The following PCDHGB5 variants were observed in gnomAD, a reference collection of about 807,000 sequenced individuals.
PCDHGB5 encodes protocadherin gamma-B5.
Under a neutral mutation model 62.9 loss-of-function variants are expected in PCDHGB5, and 48 were observed. That is an observed-to-expected ratio of 0.76 (90% CI 0.61 to 0.97). The LOEUF (loss-of-function observed/expected upper bound fraction) is 0.97. Among genes scored for constraint, PCDHGB5 ranks in the 50% least tolerant of loss-of-function variants. PCDHGB5 has a pLI of 0.00. For missense variants in PCDHGB5, 1,118 were observed against 1,198.6 expected (o/e 0.93, Z 0.99); for synonymous variants, 474 against 511.2 (o/e 0.93, Z 0.98).
At chr5:141,409,908 C>T (rs1255447661) in intron 1 of PCDHGB5, 1 of 1,613,204 alleles carries the variant, frequency 6.2e-7, no homozygotes, top group Non-Finnish European at 8.5e-7. Context: ...GCTCTGGGTC[C>T]TGACGGCTCC....
intron 1 of PCDHGB5, chr5:141,409,291 A>G: frequency 6.2e-7 from 1 of 1,614,000 alleles, no homozygotes; most frequent in Non-Finnish European, 8.5e-7. Context: ...CACCTCCAGG[A>G]ATGGTTGTTG....
intron 1 of PCDHGB5, among the ~76,000 whole-genome samples, chr5:141,406,857 A>T (rs1377435171): frequency 2.0e-5 from 3 of 152,244 alleles, no homozygotes; most frequent in Admixed American, 2.0e-4. Flanking sequence ...TTAAGAAAAT[A>T]TTCTCAGGAA....
intron 1 of PCDHGB5, chr5:141,421,588 G>A: frequency 1.2e-6 from 2 of 1,613,910 alleles, no homozygotes; most frequent in Non-Finnish European, 8.5e-7. Context: ...TTACGGAGTG[G>A]AGGTGGAAAT....
chr5:141,447,775 AT>A (rs1463090729), intron 1 of PCDHGB5, among the ~76,000 whole-genome samples: 2 of 152,212 alleles, frequency 1.3e-5, no homozygotes, highest in Non-Finnish European at 2.9e-5. Flanking sequence ...TTATACTTTA[AT>A]TGAAAATAAA....
At chr5:141,450,134 G>A (rs1267554616) in intron 1 of PCDHGB5, among the ~76,000 whole-genome samples, 1 of 151,424 alleles carries the variant, frequency 6.6e-6, no homozygotes, top group East Asian at 2.0e-4. Context: ...AGCCTCCTGA[G>A]TAGCTGGGAC....
chr5:141,405,858 T>C (rs2094727577), intron 1 of PCDHGB5, among the ~76,000 whole-genome samples: 1 of 152,200 alleles, frequency 6.6e-6, no homozygotes, highest in Non-Finnish European at 1.5e-5. Flanking sequence ...GTGTTTCTCA[T>C]CACTTTTCAC....
chr5:141,479,562 T>G (rs1176956064), intron 1 of PCDHGB5: 2 of 152,218 alleles, frequency 1.3e-5, no homozygotes, highest in Non-Finnish European at 2.9e-5. Flanking sequence ...TATCCAGTAG[T>G]GGGATGACAT....
chr5:141,490,990 C>A lies in PCDHGB5; in HGVS notation c.2398-3817C>A, dbSNP rs1230384508. On this transcript the variant is annotated intron_variant, in intron 1 of 3. Transcript: ENST00000617380. The surrounding 1 kb of genome is among the most constrained non-coding windows in gnomAD (Gnocchi z 5.4). ...CCCCCAGCGTCTCCCTCGCTCTGCTCCTCCTGGCTCCTTGGTCACCAAGGT... is the reference window on the plus strand; with the variant it reads ...CCCCCAGCGTCTCCCTCGCTCTGCTACTCCTGGCTCCTTGGTCACCAAGGT... The A allele has an allele frequency of 6.2e-7, 1 of 1,614,102 alleles. No homozygotes were observed. The highest frequency in any genetic ancestry group is 8.5e-7 in the Non-Finnish European group (1 of 1,180,022).
chr5:141,436,406 G>T (rs1403133377), intron 1 of PCDHGB5, among the ~76,000 whole-genome samples: 3 of 152,308 alleles, frequency 2.0e-5, no homozygotes, highest in East Asian at 3.9e-4. Context: ...GTTGTTGAAT[G>T]AATGGATAAA....
At chr5:141,497,541 T>C (rs1157403777) in intron 2 of PCDHGB5, among the ~76,000 whole-genome samples, 9 of 89,564 alleles carry the variant, frequency 1.0e-4, no homozygotes, top group Non-Finnish European at 2.1e-4. Context: ...GCAACAAACC[T>C]TTTTTTTTTT....
At chr5:141,402,202 A>G (rs1223519214) in intron 1 of PCDHGB5, among the ~76,000 whole-genome samples, 1 of 152,138 alleles carries the variant, frequency 6.6e-6, no homozygotes. Flanking sequence ...CTTTTATAAT[A>G]CAAAAATTTA....
chr5:141,421,353 G>T, intron 1 of PCDHGB5: 1 of 1,613,998 alleles, frequency 6.2e-7, no homozygotes, highest in Non-Finnish European at 8.5e-7. Context: ...AGACCGAAAA[G>T]GGCTCCTTCG....
chr5:141,489,397 G>T lies in PCDHGB5; in HGVS notation c.2398-5410G>T. ...GGTGGGGAATGTTGCTCAGGATCTG[G>T]GCTTAAAGATGACAGATCTGTTGAG... On this transcript the variant is annotated intron_variant, in intron 1 of 3. Coordinates refer to ENST00000617380, the MANE Select transcript of PCDHGB5 (RefSeq NM_018925.3). The surrounding 1 kb of genome is among the most constrained non-coding windows in gnomAD (Gnocchi z 4.5). 2 of 1,614,176 alleles carry T rather than the reference G, an allele frequency of 1.2e-6. No individual in the cohort carries two copies. Among genetic ancestry groups the T allele is most frequent in the Non-Finnish European group, 1.7e-6 (2 of 1,180,038 alleles).
chr5:141,449,584 G>C (rs2098645697), intron 1 of PCDHGB5, among the ~76,000 whole-genome samples: 1 of 123,190 alleles, frequency 8.1e-6, no homozygotes, highest in South Asian at 2.5e-4. Context: ...GCAAGACTCT[G>C]TCTCAAAAAA....
rs781229038 is a variant in PCDHGB5, at chr5:141,489,990, A to C, written c.2398-4817A>C. 1.2e-4 allele frequency: 194 copies of C among 1,614,138 alleles called. No individual in the cohort carries two copies. Among genetic ancestry groups the C allele is most frequent in the Non-Finnish European group, 1.6e-4 (188 of 1,180,038 alleles). Reference sequence around the variant, plus strand: ...TCCAATCCTCAGTTCTACGTGTGGGAATCCCAGAGAATGCACCCATTGGTA... The same window carrying C: ...TCCAATCCTCAGTTCTACGTGTGGGCATCCCAGAGAATGCACCCATTGGTA... On this transcript the variant is annotated intron_variant, in intron 1 of 3. Transcript: ENST00000617380. The surrounding 1 kb of genome is among the most constrained non-coding windows in gnomAD (Gnocchi z 4.5).
chr5:141,409,360 A>G (rs746614262), intron 1 of PCDHGB5: 2 of 1,614,014 alleles, frequency 1.2e-6, no homozygotes, highest in Admixed American at 3.3e-5. Flanking sequence ...GGTGTAATAT[A>G]GAAACAGACA....
rs570765907 is a variant in PCDHGB5, at chr5:141,414,583, G to T, written c.2397+14059G>T. The T allele has an allele frequency of 5.6e-6, 9 of 1,613,854 alleles. No individual in the cohort carries two copies. In the South Asian group the frequency reaches 8.8e-5, roughly 16 times the overall value. On this transcript the variant is annotated intron_variant, in intron 1 of 3. Coordinates refer to ENST00000617380, the MANE Select transcript of PCDHGB5 (RefSeq NM_018925.3). Reference sequence around the variant, plus strand: ...CTTTACCTATATCCCAGAGAACAACGCCAGGGGTGCCTCCATCTTCTCAGT... The same window carrying T: ...CTTTACCTATATCCCAGAGAACAACTCCAGGGGTGCCTCCATCTTCTCAGT...
rs1433790348 is a variant in PCDHGB5, at chr5:141,431,831, G to A, written c.2397+31307G>A. The A allele has an allele frequency of 1.2e-6, 2 of 1,614,110 alleles. No homozygotes were observed. The highest frequency in any genetic ancestry group is 1.7e-6 in the Non-Finnish European group (2 of 1,180,040). On this transcript the variant is annotated intron_variant, in intron 1 of 3. Transcript: ENST00000617380. The surrounding 1 kb of genome is among the most constrained non-coding windows in gnomAD (Gnocchi z 4.8). Reference sequence around the variant, plus strand: ...CACCTCTCTCGCCAGCTCGGTTCCCGAAAACTCTCCCAGAGGGACATTAAT... The same window carrying A: ...CACCTCTCTCGCCAGCTCGGTTCCCAAAAACTCTCCCAGAGGGACATTAAT...
At chr5:141,459,319 T>G (rs1270005431) in intron 1 of PCDHGB5, among the ~76,000 whole-genome samples, 1 of 152,216 alleles carries the variant, frequency 6.6e-6, no homozygotes, top group Non-Finnish European at 1.5e-5. Context: ...TTTGTATCCA[T>G]CTTCTTTTAC....
Sources: allele counts gnomAD v4.1 joint callset (sites outside exome capture counted in the v4.1 genomes callset), GRCh38; gene constraint gnomAD v4.1.1; non-coding constraint Gnocchi (gnomAD v3.1); transcripts MANE v1.5; gene names NCBI Gene and HGNC (gene_info 2026-07-23, HGNC 2026-07-21).